The following AKR1C3 variants were observed in gnomAD, a reference collection of about 807,000 sequenced individuals.
The protein encoded by AKR1C3 is aldo-keto reductase family 1 member C3.
A neutral mutation model predicts 43.6 loss-of-function variants in AKR1C3; 48 were observed. The ratio of observed to expected loss-of-function variants is 1.10; its 90% CI spans 0.87 to 1.40. The LOEUF is 1.40. Ranked by LOEUF, AKR1C3 falls within the 40% of genes most tolerant of loss-of-function variation. The probability of loss-of-function intolerance (pLI) is 0.00; values close to 1 mark genes in which losing one functional copy is unlikely to be tolerated. For missense variants in AKR1C3, 482 were observed against 391.2 expected (o/e 1.23, Z -1.96); for synonymous variants, 162 against 139.6 (o/e 1.16, Z -1.13).
intron 4 of AKR1C3, 109 bp downstream of exon 4, chr10:5,098,988 G>T (rs1839283292): frequency 5.0e-6 from 5 of 990,462 alleles, no homozygotes; most frequent in Middle Eastern, 2.2e-4. Flanking sequence ...TAGAAATTCA[G>T]AAACTTTACA....
At chr10:5,105,542 G>A (rs1839478281) in intron 7 of AKR1C3, 53 bp from the exon 8 acceptor site, 1 of 1,331,160 alleles carries the variant, frequency 7.5e-7, no homozygotes, top group Non-Finnish European at 1.1e-6. Context: ...TAATATACTT[G>A]GGGATTCACA....
intron 5 of AKR1C3, among the ~76,000 whole-genome samples, chr10:5,100,708 T>C (rs372141658): frequency 6.6e-6 from 1 of 152,232 alleles, no homozygotes. Context: ...GGCCTAATGA[T>C]ACAGTTCCAT....
At chr10:5,080,251 C>A (rs1046467485) in intron 1 of AKR1C3, among the ~76,000 whole-genome samples, 1 of 152,072 alleles carries the variant, frequency 6.6e-6, no homozygotes, top group South Asian at 2.1e-4. Context: ...TGTTAAAAAT[C>A]GTGTTGAGAA....
chr10:5,105,532 T>TAATA (rs1839478108), intron 7 of AKR1C3, 63 bp from the exon 8 acceptor site: 2 of 1,247,428 alleles, frequency 1.6e-6, no homozygotes, highest in African/African-American at 3.0e-5. Context: ...CCCTACTGTC[T>TAATA]AATATACTTG....
intron 1 of AKR1C3, among the ~76,000 whole-genome samples, chr10:5,083,973 T>C (rs1838897280): frequency 6.6e-6 from 1 of 152,260 alleles, no homozygotes; most frequent in African/African-American, 2.4e-5. Flanking sequence ...AGATTCTGGA[T>C]ATTAGCCCTT....
intron 1 of AKR1C3, among the ~76,000 whole-genome samples, chr10:5,064,881 T>C (rs10400032): frequency 0.033 from 4,630 of 140,264 alleles, 266 homozygotes; most frequent in African/African-American, 0.12. Flanking sequence ...TCTGATGAGT[T>C]CCAATATCCA....
At position 5,077,835 on chromosome 10, in the gene AKR1C3, A is replaced by G. The variant is rs532919134; in HGVS notation, c.85-18575A>G. The G allele has an allele frequency of 5.0e-4, 266 of 529,724 alleles. 1 individual carries two copies. The highest frequency in any genetic ancestry group is 4.9e-3 in the African/African-American group (245 of 50,206). The allele number at this position is 529,724 out of a possible 1,614,324, so 32.8% of individuals were successfully genotyped here. ...GACCGATTTTCAATGTAAAAATAAC[A>G]TATAAAAACTGTTCTCGGAGTTATT... is the stretch of plus-strand genomic sequence containing the variant. On this transcript the variant is annotated intron_variant, in intron 1 of 8. Coordinates refer to the AKR1C3 transcript ENST00000439082.
intron 1 of AKR1C3, among the ~76,000 whole-genome samples, chr10:5,055,572 GC>G (rs1838242507): frequency 2.0e-5 from 3 of 152,214 alleles, no homozygotes; most frequent in Admixed American, 1.3e-4. Context: ...AGTGAGGCCA[GC>G]CTTTTGCTAC....
intron 5 of AKR1C3, among the ~76,000 whole-genome samples, chr10:5,100,508 C>CG (rs1839320137): frequency 6.6e-6 from 1 of 151,778 alleles, no homozygotes. Flanking sequence ...CCTTTTTTCC[C>CG]CCTGAGTTAT....
intron 1 of AKR1C3, among the ~76,000 whole-genome samples, chr10:5,082,621 A>C (rs1236292206): frequency 1.3e-5 from 2 of 152,146 alleles, no homozygotes; most frequent in African/African-American, 4.8e-5. Context: ...ATGTTTAATC[A>C]TCCTTGCATC....
intron 1 of AKR1C3, among the ~76,000 whole-genome samples, chr10:5,083,055 G>T (rs1277980802): frequency 1.3e-5 from 2 of 148,188 alleles, no homozygotes; most frequent in Non-Finnish European, 3.0e-5. Flanking sequence ...GTGTTTCCAG[G>T]AATTTATCTA....
intron 7 of AKR1C3, among the ~76,000 whole-genome samples, chr10:5,103,600 T>A (rs1839414082): frequency 6.6e-6 from 1 of 152,170 alleles, no homozygotes; most frequent in African/African-American, 2.4e-5. Flanking sequence ...GACATTTGTC[T>A]GGGTGCCATT....
chr10:5,098,752 A>G, intron 3 of AKR1C3, 50 bp from the exon 4 acceptor site: 1 of 1,482,030 alleles, frequency 6.7e-7, no homozygotes, highest in Non-Finnish European at 9.4e-7. Context: ...TACAGCTATG[A>G]GTGGAGAAAT....
chr10:5,106,734 A>C (rs146095583), intron 8 of AKR1C3, among the ~76,000 whole-genome samples: 9,380 of 148,730 alleles, frequency 0.063, 345 homozygotes, highest in Middle Eastern at 0.089. Context: ...AGCCTGAATG[A>C]CAGAGTGAGG....
At chr10:5,057,527 G>A (rs990597900) in intron 1 of AKR1C3, among the ~76,000 whole-genome samples, 6 of 152,154 alleles carry the variant, frequency 3.9e-5, no homozygotes, top group Non-Finnish European at 7.3e-5. Context: ...TTTGGGTGAC[G>A]GGAGTATAAT....
rs1028774912 is a variant in AKR1C3 at position 5,099,316 on chromosome 10, T to C, written c.448-11T>C. On this transcript the variant is annotated splice_polypyrimidine_tract_variant and intron_variant, in intron 4 of 8. Transcript: ENST00000380554. ...TGCACAAATAATTCCTCACAACCCC[T>C]TTCTCCACAGGCCATGGAGAAGTGT... 10 of 1,613,998 alleles carry C rather than the reference T, an allele frequency of 6.2e-6. No homozygotes were observed. Among genetic ancestry groups the C allele is most frequent in the African/African-American group, 1.3e-5 (1 of 74,914 alleles).
chr10:5,092,717 C>T (rs1408088097), upstream of AKR1C3, among the ~76,000 whole-genome samples: 2 of 151,834 alleles, frequency 1.3e-5, no homozygotes, highest in African/African-American at 4.8e-5. Flanking sequence ...GTTCTATTTC[C>T]ATATTTTTAA....
At chr10:5,097,594 T>TA (rs1554785356) in intron 3 of AKR1C3, 44 bp downstream of exon 3, 1 of 1,611,474 alleles carries the variant, frequency 6.2e-7, no homozygotes, top group Admixed American at 1.7e-5. Context: ...CTGCTGTCAT[T>TA]ATAAACATTG....
intron 1 of AKR1C3, among the ~76,000 whole-genome samples, chr10:5,067,881 G>A (rs1394922288): frequency 6.6e-6 from 1 of 152,134 alleles, no homozygotes; most frequent in Non-Finnish European, 1.5e-5. Flanking sequence ...TGGCCATCCT[G>A]GTTCTCCATG....
Sources: gnomAD v4.1 joint callset for allele counts (sites outside exome capture counted in the v4.1 genomes callset) on GRCh38, gnomAD v4.1.1 for gene constraint, MANE v1.5 for transcripts, NCBI Gene and HGNC (gene_info 2026-07-23, HGNC 2026-07-21) for gene names.